Variants in RIPOR2 observed in about 807,000 individuals in gnomAD.
RIPOR2 encodes RHO family interacting cell polarization regulator 2.
In RIPOR2, 39 loss-of-function variants were observed where a neutral mutation model predicts 114.5. The ratio of observed to expected loss-of-function variants is 0.34; its 90% CI spans 0.26 to 0.44. RIPOR2 has a LOEUF of 0.44. Ranked by LOEUF, RIPOR2 falls within the 20% of genes least tolerant of loss-of-function variation. RIPOR2 has a pLI of 1.00. For missense variants in RIPOR2, 1,007 were observed against 1,255.1 expected, an observed-to-expected ratio of 0.80 and a Z score of 2.99; for synonymous variants, 445 against 484.4, an observed-to-expected ratio of 0.92 and a Z score of 1.07.
chr6:24,818,619 G>A lies in RIPOR2; in HGVS notation c.2875C>T (p.Leu959Phe). The A allele has an allele frequency of 6.5e-7, 1 of 1,547,510 alleles. No homozygotes were observed. Among genetic ancestry groups the A allele is most frequent in the Non-Finnish European group, 8.7e-7 (1 of 1,144,214 alleles). The change falls in exon 20 of 22, where the codon CTC becomes TTC. Residue 959 changes from leucine to phenylalanine, a missense_variant. By Grantham distance (22) the Leu-to-Phe change is conservative (BLOSUM62 0). Transcript: ENST00000643898. ...KNQHFREKALLYYCEALTKTN... is the reference protein window; with the variant it reads ...KNQHFREKALFYYCEALTKTN... ...TTTGTTAGTGCTTCACAGTAATAGAGCAAGGCCTGAAAGAGAAGGAGGGAC... is the reference window on the plus strand; with the variant it reads ...TTTGTTAGTGCTTCACAGTAATAGAACAAGGCCTGAAAGAGAAGGAGGGAC...
Position 24,935,829 on chromosome 6 carries a change from T to C in RIPOR2, c.61+9A>G, listed in dbSNP as rs1333555608. On this transcript the variant is annotated intron_variant, in intron 1 of 21. Transcript: ENST00000643898. ...ACCGGAGAGCCTCCTGCCAGAAAGA[T>C]GCATTTACCTTCACCAAAAACATCA... 9 of 1,531,798 alleles carry C rather than the reference T, an allele frequency of 5.9e-6. No homozygotes were observed. The highest frequency in any genetic ancestry group is 1.2e-5 in the South Asian group (1 of 83,952). 94.9% of individuals were successfully genotyped at this position (1,531,798 alleles called of 1,614,324 possible).
At chr6:24,818,015 G>A (rs540909443) in intron 20 of RIPOR2, among the ~76,000 whole-genome samples, 42 of 132,074 alleles carry the variant, frequency 3.2e-4, no homozygotes, top group African/African-American at 9.7e-4. Context: ...TGCCACCCAG[G>A]CTGGAGTACA....
chr6:24,843,337 C>T lies in RIPOR2; in HGVS notation c.1382G>A (p.Ser461Asn). 6.2e-7 allele frequency: 1 copy of T among 1,613,930 alleles called. No individual in the cohort carries two copies. The highest frequency in any genetic ancestry group is 1.1e-5 in the South Asian group (1 of 91,078). The change falls in exon 13 of 22, where the codon AGC becomes AAC. Residue 461 changes from serine to asparagine, a missense_variant. Ser to Asn is a conservative substitution (Grantham distance 46, BLOSUM62 1). Transcript: ENST00000643898. ...ASQNEGMDDT[S>N]SASSRNSLGE... Reference sequence around the variant, plus strand: ...CAGGGAGTTCCTGGAAGATGCTGAGCTGGTGTCATCCATACCCTCATTCTG... The same window carrying T: ...CAGGGAGTTCCTGGAAGATGCTGAGTTGGTGTCATCCATACCCTCATTCTG...
At chr6:24,840,658 A>G in intron 13 of RIPOR2, 1 of 1,533,528 alleles carries the variant, frequency 6.5e-7, no homozygotes, top group Non-Finnish European at 8.7e-7. Context: ...AGATGGCACA[A>G]AAGCACATGG....
Position 24,870,851 on chromosome 6 carries a change from G to T in RIPOR2, c.447+15C>A. On this transcript the variant is annotated intron_variant, in intron 5 of 21. Coordinates refer to ENST00000643898, the MANE Select transcript of RIPOR2 (RefSeq NM_001286445.3). ...TTTTTTCTTATTAGCACCCCAACAC[G>T]GAATGGCAACTTACCTTGTCTAGGT... The T allele has an allele frequency of 1.3e-6, 2 of 1,599,782 alleles. No homozygotes were observed. The highest frequency in any genetic ancestry group is 1.7e-6 in the Non-Finnish European group (2 of 1,171,348).
In RIPOR2 at chr6:25,019,480, G is replaced by A. The variant is rs539972801; in HGVS notation, c.76+22371C>T. On this transcript the variant is annotated intron_variant, in intron 1 of 13. Coordinates refer to the RIPOR2 transcript ENST00000510784. ...ATTAATTCTAGTGAAAAGTTAGAAA[G>A]AGAGGTCGGCGGGGCGCGGTGGCTC... is the stretch of plus-strand genomic sequence containing the variant. Among the ~76,000 whole-genome samples, 11 of 152,242 alleles carry A rather than the reference G, an allele frequency of 7.2e-5. 1 individual carries two copies. The South Asian group carries it at 1.7e-3, about 23-fold the overall frequency.
intron 12 of RIPOR2, among the ~76,000 whole-genome samples, chr6:24,844,198 C>A (rs1004166453): frequency 2.6e-5 from 4 of 152,164 alleles, no homozygotes. Context: ...AGGAGGCAAA[C>A]CCCAGGGCTC....
chr6:24,988,210 G>T (rs2113608119), intron 1 of RIPOR2, among the ~76,000 whole-genome samples: 1 of 151,902 alleles, frequency 6.6e-6, no homozygotes, highest in African/African-American at 2.4e-5. Context: ...TATTTTTTGA[G>T]ACAGAGTCTC....
intron 1 of RIPOR2, among the ~76,000 whole-genome samples, chr6:24,987,576 A>G (rs1386274948): frequency 6.6e-6 from 1 of 152,236 alleles, no homozygotes; most frequent in Non-Finnish European, 1.5e-5. Context: ...ATGAAAGAGA[A>G]TAAGATGGAG....
At position 24,895,331 on chromosome 6, in the gene RIPOR2, G is replaced by T. The variant is rs190914415; in HGVS notation, c.62-19514C>A. The stretch of plus-strand genomic sequence containing the variant: ...CCCAAAGTGCTGGGATTATTGGCGT[G>T]AGCCACCGCACCCGGCACCTGGGGA... On this transcript the variant is annotated intron_variant, in intron 1 of 21. Coordinates refer to ENST00000643898, the MANE Select transcript of RIPOR2 (RefSeq NM_001286445.3). Among the ~76,000 whole-genome samples, 18 of 152,190 alleles carry T rather than the reference G, an allele frequency of 1.2e-4. 1 individual carries two copies. Among genetic ancestry groups the T allele is most frequent in the Admixed American group, 9.2e-4 (14 of 15,300 alleles).
chr6:24,930,293 C>T (rs1771282094), intron 1 of RIPOR2, among the ~76,000 whole-genome samples: 1 of 152,166 alleles, frequency 6.6e-6, no homozygotes, highest in Non-Finnish European at 1.5e-5. Context: ...GTTTTCAACT[C>T]AAGCCCTATA....
chr6:24,973,035 T>C (rs1208255476), intron 1 of RIPOR2, among the ~76,000 whole-genome samples: 1 of 150,866 alleles, frequency 6.6e-6, no homozygotes, highest in Non-Finnish European at 1.5e-5. Flanking sequence ...TGGCACAAAT[T>C]TGAAAATAAA....
chr6:24,962,310 C>A (rs1008652937), intron 1 of RIPOR2, among the ~76,000 whole-genome samples: 4 of 152,138 alleles, frequency 2.6e-5, no homozygotes, highest in Admixed American at 1.3e-4. Context: ...CCATGCAAGG[C>A]CTTACAGAAG....
intron 1 of RIPOR2, among the ~76,000 whole-genome samples, chr6:25,005,738 T>TACACACACATAC (rs1554130559): frequency 1.4e-5 from 1 of 70,700 alleles, no homozygotes; most frequent in African/African-American, 4.1e-5. Flanking sequence ...TATATATATA[T>TACACACACATAC]ATACATTTAC....
chr6:24,968,213 C>T (rs1185190821), intron 1 of RIPOR2, among the ~76,000 whole-genome samples: 1 of 152,118 alleles, frequency 6.6e-6, no homozygotes, highest in African/African-American at 2.4e-5. Flanking sequence ...GCCAAGACAC[C>T]AATCTTATAT....
At chr6:25,019,740 A>C (rs1776208976) in intron 1 of RIPOR2, among the ~76,000 whole-genome samples, 1 of 136,128 alleles carries the variant, frequency 7.3e-6, no homozygotes, top group Non-Finnish European at 1.5e-5. Flanking sequence ...GTGCCACTGC[A>C]TTCCAGCCTG....
chr6:24,825,443 G>C lies in RIPOR2; in HGVS notation c.2666-15C>G. 1.3e-6 allele frequency: 2 copies of C among 1,535,522 alleles called. No individual in the cohort carries two copies. The highest frequency in any genetic ancestry group is 1.8e-6 in the Non-Finnish European group (2 of 1,132,090). ...AACCATGGAAACTGGAGGGTAAGAA[G>C]GAAGGAGATTTCATGTTCTGACATG... is the stretch of plus-strand genomic sequence containing the variant. On this transcript the variant is annotated splice_polypyrimidine_tract_variant and intron_variant, in intron 18 of 21. Coordinates refer to ENST00000643898, the MANE Select transcript of RIPOR2 (RefSeq NM_001286445.3).
At chr6:24,930,485 G>T (rs1199236661) in intron 1 of RIPOR2, among the ~76,000 whole-genome samples, 1 of 152,196 alleles carries the variant, frequency 6.6e-6, no homozygotes, top group Non-Finnish European at 1.5e-5. Context: ...AATCAGGGGG[G>T]TGGACTGGTG....
intron 1 of RIPOR2, among the ~76,000 whole-genome samples, chr6:24,896,956 C>G (rs1767939179): frequency 6.6e-6 from 1 of 151,968 alleles, no homozygotes; most frequent in Non-Finnish European, 1.5e-5. Flanking sequence ...GCACAGGATC[C>G]CAGGGTATTT....
Sources: gnomAD v4.1 joint callset for allele counts (sites outside exome capture counted in the v4.1 genomes callset) on GRCh38, gnomAD v4.1.1 for gene constraint, MANE v1.5 for transcripts, NCBI Gene and HGNC (gene_info 2026-07-23, HGNC 2026-07-21) for gene names.